The following C9orf85 variants were observed in gnomAD, a reference collection of about 807,000 sequenced individuals.
The protein encoded by C9orf85 is uncharacterized protein C9orf85.
Under a neutral mutation model 14.9 loss-of-function variants are expected in C9orf85, and 16 were observed. The observed-to-expected ratio is 1.08, with a 90% CI of 0.73 to 1.63. The LOEUF (loss-of-function observed/expected upper bound fraction) is 1.63, where lower values mean the gene tolerates loss of function less well. Among genes scored for constraint, C9orf85 ranks in the 40% most tolerant of loss-of-function variants. The pLI is 0.00. For synonymous variants in C9orf85, 45 were observed against 56.8 expected, an observed-to-expected ratio of 0.79 and a Z score of 0.93; for missense variants, 172 against 186.1, an observed-to-expected ratio of 0.92 and a Z score of 0.44.
chr9:71,930,378 T>C (rs1444136056), intron 1 of C9orf85, among the ~76,000 whole-genome samples: 1 of 152,178 alleles, frequency 6.6e-6, no homozygotes, highest in Non-Finnish European at 1.5e-5. Context: ...ATATTCTCTG[T>C]TGGAAGATAA....
intron 1 of C9orf85, among the ~76,000 whole-genome samples, chr9:71,922,455 T>C (rs1044276301): frequency 1.3e-5 from 2 of 152,190 alleles, no homozygotes; most frequent in Non-Finnish European, 2.9e-5. Flanking sequence ...TACCTGGCTA[T>C]TCCTGGGAGC....
intron 2 of C9orf85, among the ~76,000 whole-genome samples, chr9:71,963,355 T>C (rs1448615596): frequency 6.6e-6 from 1 of 151,852 alleles, no homozygotes; most frequent in Non-Finnish European, 1.5e-5. Context: ...TCCAAGATGG[T>C]GGTGAGAGGT....
chr9:71,945,981 G>C (rs914841000), intron 1 of C9orf85, among the ~76,000 whole-genome samples: 1 of 152,104 alleles, frequency 6.6e-6, no homozygotes, highest in African/African-American at 2.4e-5. Flanking sequence ...AAAACTATTA[G>C]AGAAAATACA....
At chr9:71,913,917 T>C (rs754687511) in intron 1 of C9orf85, among the ~76,000 whole-genome samples, 5 of 152,184 alleles carry the variant, frequency 3.3e-5, no homozygotes, top group Non-Finnish European at 7.3e-5. Context: ...TTTTAAGTTA[T>C]GAAAAAGTCT....
At chr9:71,963,517 G>C (rs867881695) in intron 2 of C9orf85, among the ~76,000 whole-genome samples, 2 of 152,336 alleles carry the variant, frequency 1.3e-5, no homozygotes, top group Admixed American at 1.3e-4. Flanking sequence ...GCCAGCTCCC[G>C]CAGCTTGCAG....
chr9:71,913,436 T>G (rs1188498435), intron 1 of C9orf85, among the ~76,000 whole-genome samples: 1 of 152,098 alleles, frequency 6.6e-6, no homozygotes, highest in East Asian at 1.9e-4. Context: ...CAAATTATGA[T>G]AAATATTGGT....
intron 1 of C9orf85, among the ~76,000 whole-genome samples, chr9:71,933,146 A>G (rs1215815630): frequency 2.0e-5 from 3 of 152,220 alleles, no homozygotes; most frequent in African/African-American, 7.2e-5. Context: ...AAGTGGACCA[A>G]CTTACATATT....
At chr9:71,926,479 A>G (rs990742515) in intron 1 of C9orf85, among the ~76,000 whole-genome samples, 2 of 152,124 alleles carry the variant, frequency 1.3e-5, no homozygotes, top group African/African-American at 4.8e-5. Context: ...AGAAACCATG[A>G]AACGCATGCT....
In C9orf85 at chr9:71,955,224, T is replaced by C. The variant is rs189640546; in HGVS notation, c.209+8112T>C. 2.3e-3 allele frequency among the ~76,000 whole-genome samples: 348 copies of C among 152,312 alleles called. 3 individuals carry two copies. Among genetic ancestry groups the C allele is most frequent in the Non-Finnish European group, 5.7e-4 (39 of 68,030 alleles). On this transcript the variant is annotated intron_variant, in intron 2 of 3. Coordinates refer to ENST00000334731, the MANE Select transcript of C9orf85 (RefSeq NM_182505.5). ...TCTATCAATTGGCATTCATTACTTA[T>C]ATTTGTTCATTGAGTAAGCACTCAA...
In C9orf85 at chr9:71,935,919, A is replaced by T. The variant is rs558450893; in HGVS notation, c.103-11087A>T. Among the ~76,000 whole-genome samples the T allele has an allele frequency of 3.8e-3, 572 of 152,078 alleles. 4 individuals are homozygous for T. Among genetic ancestry groups the T allele is most frequent in the Non-Finnish European group, 6.5e-3 (440 of 67,994 alleles). On this transcript the variant is annotated intron_variant, in intron 1 of 3. Transcript: ENST00000334731. ...TTACCAGGGGAGAAACAGAAAAAAA[A>T]TAACTGTTGGCTGTTTGGTCTCACT...
At chr9:71,984,029 T>A (rs1823157511), downstream of C9orf85, 1 of 152,270 alleles carries the variant, frequency 6.6e-6, no homozygotes, top group African/African-American at 2.4e-5. Context: ...AAACTGTTTA[T>A]ACAGCAAACC....
chr9:71,948,454 C>T (rs908977692), intron 2 of C9orf85, among the ~76,000 whole-genome samples: 2 of 151,986 alleles, frequency 1.3e-5, no homozygotes, highest in Admixed American at 6.6e-5. Context: ...TTCTGTACTC[C>T]GTTTTGGAGC....
At chr9:71,946,729 G>C (rs1199011023) in intron 1 of C9orf85, among the ~76,000 whole-genome samples, 1 of 151,922 alleles carries the variant, frequency 6.6e-6, no homozygotes, top group Non-Finnish European at 1.5e-5. Flanking sequence ...AGGAGGTGGA[G>C]GTTGCAGTGA....
chr9:71,912,880 A>G (rs1827549886), intron 1 of C9orf85, among the ~76,000 whole-genome samples: 1 of 152,110 alleles, frequency 6.6e-6, no homozygotes, highest in South Asian at 2.1e-4. Context: ...ACTCCGTCTC[A>G]AAAAACAAAA....
downstream of C9orf85, among the ~76,000 whole-genome samples, chr9:71,974,199 T>C (rs1822960773): frequency 6.6e-6 from 1 of 151,610 alleles, no homozygotes; most frequent in Non-Finnish European, 1.5e-5. Flanking sequence ...AGTGCTGGGA[T>C]TACAGGTGTG....
intron 1 of C9orf85, among the ~76,000 whole-genome samples, chr9:71,942,337 G>C (rs936928078): frequency 1.3e-5 from 2 of 152,168 alleles, no homozygotes; most frequent in African/African-American, 2.4e-5. Flanking sequence ...TACTTGTGCT[G>C]CTTCTGAGAA....
At chr9:71,945,472 G>C (rs1020350293) in intron 1 of C9orf85, among the ~76,000 whole-genome samples, 15 of 152,132 alleles carry the variant, frequency 9.9e-5, no homozygotes, top group African/African-American at 3.6e-4. Flanking sequence ...GTAACAGAAT[G>C]TATTTCTCAT....
intron 2 of C9orf85, among the ~76,000 whole-genome samples, chr9:71,947,630 A>G (rs1258627316): frequency 6.6e-6 from 1 of 150,950 alleles, no homozygotes; most frequent in East Asian, 1.9e-4. Context: ...CCATCCCTAA[A>G]TCCTTTTTTT....
intron 1 of C9orf85, among the ~76,000 whole-genome samples, chr9:71,942,902 CAAA>C (rs10708553): frequency 4.4e-4 from 54 of 122,834 alleles, no homozygotes; most frequent in Middle Eastern, 4.1e-3. Context: ...GACTCCGACT[CAAA>C]AAAAAAAAAA....
Sources: allele counts gnomAD v4.1 joint callset (sites outside exome capture counted in the v4.1 genomes callset), GRCh38; gene constraint gnomAD v4.1.1; transcripts MANE v1.5; gene names NCBI Gene and HGNC (gene_info 2026-07-23, HGNC 2026-07-21).